The following SLC25A13 variants were observed in gnomAD, a reference collection of about 807,000 sequenced individuals.
The protein encoded by SLC25A13 is electrogenic aspartate/glutamate antiporter SLC25A13, mitochondrial.
SLC25A13 carries 70 observed loss-of-function variants against 85.5 expected under a neutral mutation model. The observed-to-expected ratio is 0.82, with a 90% CI of 0.68 to 1.00. The LOEUF (loss-of-function observed/expected upper bound fraction) is 1.00, where lower values mean the gene tolerates loss of function less well. Among genes scored for constraint, SLC25A13 ranks in the 50% least tolerant of loss-of-function variants. SLC25A13 has a pLI of 0.00. For synonymous variants in SLC25A13, 259 were observed against 288.7 expected (o/e 0.90, Z 1.04); for missense variants, 765 against 819.8 (o/e 0.93, Z 0.82).
At chr7:96,302,510 A>T (rs2117007232) in intron 1 of SLC25A13, among the ~76,000 whole-genome samples, 1 of 152,348 alleles carries the variant, frequency 6.6e-6, no homozygotes, top group East Asian at 1.9e-4. Context: ...CACGAAAATA[A>T]GAAATGCTAA....
At chr7:96,227,286 AGACT>A (rs1476228947) in intron 4 of SLC25A13, among the ~76,000 whole-genome samples, 6 of 152,232 alleles carry the variant, frequency 3.9e-5, no homozygotes, top group African/African-American at 1.4e-4. Context: ...AGATATAGAC[AGACT>A]AACACTTGTT....
At position 96,263,243 on chromosome 7, in the gene SLC25A13, GGT is replaced by G. The variant is rs1234756517; in HGVS notation, c.212+13951_212+13952del. 5.9e-5 allele frequency among the ~76,000 whole-genome samples: 9 copies of G among 152,174 alleles called. No individual in the cohort carries two copies. In the South Asian group the frequency reaches 1.7e-3, roughly 28 times the overall value. On this transcript the variant is annotated intron_variant, in intron 3 of 17. Transcript: ENST00000265631. The stretch of plus-strand genomic sequence containing the variant: ...CTTGACCAACAGTCCCGGACACCCA[GGT>G]TACCCTTTACCACTCACGTCTAATC...
intron 1 of SLC25A13, among the ~76,000 whole-genome samples, chr7:96,314,538 T>C (rs1261739933): frequency 6.6e-6 from 1 of 152,112 alleles, no homozygotes; most frequent in Non-Finnish European, 1.5e-5. Flanking sequence ...CATTCCTCTG[T>C]TGCAAGGTCC....
rs760851084 is a variant in SLC25A13, at chr7:96,184,961, C to T, written c.984G>A (p.Ser328=). Residue 328 remains serine (S), a synonymous_variant, in exon 10 of 18, where the codon TCG becomes TCA. Transcript: ENST00000265631. The stretch of plus-strand genomic sequence containing the variant: ...CAGAACCCAGACCAAACCTGTAGGC[C>T]GACTCTGCAACTTGTAGAAGAACTG... The part of the protein sequence containing the change: ...ARPVLLQVAE[S]AYRFGLGSVA... 1.4e-5 allele frequency: 23 copies of T among 1,614,010 alleles called. 1 individual carries two copies. The highest frequency in any genetic ancestry group is 3.3e-4 in the Middle Eastern group (2 of 6,084).
chr7:96,189,995 C>T (rs1017082413), intron 7 of SLC25A13, among the ~76,000 whole-genome samples: 2 of 151,552 alleles, frequency 1.3e-5, no homozygotes, highest in Non-Finnish European at 2.9e-5. Flanking sequence ...TTATATTAAT[C>T]TAATTAACTG....
intron 4 of SLC25A13, among the ~76,000 whole-genome samples, chr7:96,215,798 A>G (rs1795876448): frequency 6.6e-6 from 1 of 151,578 alleles, no homozygotes; most frequent in Non-Finnish European, 1.5e-5. Flanking sequence ...CAAGCAACAG[A>G]AAAAAAAATA....
At chr7:96,241,096 A>AAGAAAGAG (rs2116836981) in intron 3 of SLC25A13, among the ~76,000 whole-genome samples, 1 of 136,360 alleles carries the variant, frequency 7.3e-6, no homozygotes, top group African/African-American at 2.6e-5. Flanking sequence ...GAAAGAAAGA[A>AAGAAAGAG]AGAAAGAAAG....
At chr7:96,236,285 A>T (rs1796738552) in intron 3 of SLC25A13, among the ~76,000 whole-genome samples, 1 of 152,044 alleles carries the variant, frequency 6.6e-6, no homozygotes, top group Admixed American at 6.5e-5. Context: ...AGGACATTTT[A>T]TCCTCTACTA....
At position 96,227,324 on chromosome 7, in the gene SLC25A13, A is replaced by C. The variant is rs182702887; in HGVS notation, c.328+7478T>G. ...TTATTAAATAAACTTTTATTTAAAA[A>C]CTTTAAAAATTCTTAAAGGAATAAA... On this transcript the variant is annotated intron_variant, in intron 4 of 17. Transcript: ENST00000265631. Among the ~76,000 whole-genome samples, 258 of 152,336 alleles carry C rather than the reference A, an allele frequency of 1.7e-3. 9 individuals carry two copies. Among genetic ancestry groups the C allele is most frequent in the Admixed American group, 0.016 (251 of 15,306 alleles).
chr7:96,272,377 G>A (rs1236802746), intron 3 of SLC25A13, among the ~76,000 whole-genome samples: 1 of 152,124 alleles, frequency 6.6e-6, no homozygotes, highest in Non-Finnish European at 1.5e-5. Flanking sequence ...ATGTTATTAT[G>A]AACTTTCAAT....
Position 96,189,818 on chromosome 7 carries a change from G to A in SLC25A13, c.755-144C>T, listed in dbSNP as rs567875698. 96 of 778,836 alleles carry A rather than the reference G, an allele frequency of 1.2e-4. No homozygotes were observed. The East Asian group carries it at 2.4e-3, about 19-fold the overall frequency. 48.2% of individuals were successfully genotyped at this position (778,836 alleles called of 1,614,324 possible). ...TAGAATTCAAGTCAATCCAAATAAGGTAAGAATTTTTGCAGTTCTTGCATC... is the reference window on the plus strand; with the variant it reads ...TAGAATTCAAGTCAATCCAAATAAGATAAGAATTTTTGCAGTTCTTGCATC... On this transcript the variant is annotated intron_variant, in intron 7 of 17. Transcript: ENST00000265631.
intron 15 of SLC25A13, among the ~76,000 whole-genome samples, chr7:96,124,403 A>G (rs903731117): frequency 1.3e-5 from 2 of 152,216 alleles, no homozygotes; most frequent in Admixed American, 6.5e-5. Context: ...TTCATCAGGT[A>G]TGAGAAAATA....
At chr7:96,313,839 A>G (rs1292110733) in intron 1 of SLC25A13, among the ~76,000 whole-genome samples, 2 of 152,220 alleles carry the variant, frequency 1.3e-5, no homozygotes, top group Non-Finnish European at 2.9e-5. Flanking sequence ...AGAAAAAGTG[A>G]AAGATTTCTA....
At chr7:96,269,444 G>T (rs1217311400) in intron 3 of SLC25A13, among the ~76,000 whole-genome samples, 1 of 152,184 alleles carries the variant, frequency 6.6e-6, no homozygotes, top group Admixed American at 6.5e-5. Context: ...GACAACAGGG[G>T]TCACTGACTG....
intron 9 of SLC25A13, among the ~76,000 whole-genome samples, chr7:96,188,896 A>C (rs1794734300): frequency 6.6e-6 from 1 of 152,208 alleles, no homozygotes; most frequent in Non-Finnish European, 1.5e-5. Context: ...GCGCTGATGA[A>C]GGGCTGCTCC....
chr7:96,297,857 T>C (rs1711822622), intron 1 of SLC25A13, among the ~76,000 whole-genome samples: 2 of 152,204 alleles, frequency 1.3e-5, no homozygotes, highest in African/African-American at 4.8e-5. Flanking sequence ...GTGGTTATCT[T>C]TGAAGAGCAA....
At chr7:96,180,114 T>C (rs1794363349) in intron 11 of SLC25A13, among the ~76,000 whole-genome samples, 1 of 152,258 alleles carries the variant, frequency 6.6e-6, no homozygotes, top group East Asian at 1.9e-4. Flanking sequence ...CACAGACAAC[T>C]TGAAATAGAA....
chr7:96,267,352 A>G (rs1433251744), intron 3 of SLC25A13, among the ~76,000 whole-genome samples: 1 of 152,220 alleles, frequency 6.6e-6, no homozygotes, highest in Non-Finnish European at 1.5e-5. Context: ...TTTCCTCAGA[A>G]AAAGAATAGC....
chr7:96,263,459 C>T (rs543267164), intron 3 of SLC25A13, among the ~76,000 whole-genome samples: 1 of 152,302 alleles, frequency 6.6e-6, no homozygotes, highest in East Asian at 1.9e-4. Flanking sequence ...GTAGACCCCT[C>T]TTACGTGTAG....
Sources: gnomAD v4.1 joint callset for allele counts (sites outside exome capture counted in the v4.1 genomes callset) on GRCh38, gnomAD v4.1.1 for gene constraint, MANE v1.5 for transcripts, NCBI Gene and HGNC (gene_info 2026-07-23, HGNC 2026-07-21) for gene names.